The following OR51B5 variants were observed in gnomAD, a reference collection of about 807,000 sequenced individuals.
OR51B5 encodes olfactory receptor 51B5.
For synonymous variants in OR51B5, 186 were observed against 144.8 expected, an observed-to-expected ratio of 1.28 and a Z score of -2.04; for missense variants, 456 against 374.6, an observed-to-expected ratio of 1.22 and a Z score of -1.79.
chr11:5,455,659 C>G (rs1850946104), intron 1 of OR51B5: 1 of 150,844 alleles, frequency 6.6e-6, no homozygotes, highest in Non-Finnish European at 1.5e-5. Context: ...TCTAACTTAA[C>G]TCACCATGGA....
chr11:5,479,509 C>T (rs1229141998), intron 1 of OR51B5, among the ~76,000 whole-genome samples: 2 of 149,340 alleles, frequency 1.3e-5, no homozygotes, highest in Admixed American at 1.3e-4. Flanking sequence ...TCACACATAA[C>T]AATATTAACT....
intron 1 of OR51B5, among the ~76,000 whole-genome samples, chr11:5,371,397 C>T (rs551534120): frequency 7.2e-5 from 11 of 151,802 alleles, no homozygotes; most frequent in African/African-American, 1.9e-4. Flanking sequence ...AGTTGTAGGC[C>T]GGAGATATAA....
chr11:5,393,808 CTTAG>C (rs1444832850), intron 1 of OR51B5, among the ~76,000 whole-genome samples: 1 of 151,982 alleles, frequency 6.6e-6, no homozygotes, highest in Non-Finnish European at 1.5e-5. Flanking sequence ...AGCAACTTTC[CTTAG>C]TTAAATCATT....
intron 1 of OR51B5, among the ~76,000 whole-genome samples, chr11:5,374,417 C>A (rs1050830502): frequency 1.3e-5 from 2 of 152,144 alleles, no homozygotes; most frequent in Non-Finnish European, 2.9e-5. Flanking sequence ...CTCTAAAAAG[C>A]AGAGCACCTT....
chr11:5,438,360 C>CT (rs1045526510), intron 1 of OR51B5, among the ~76,000 whole-genome samples: 1 of 151,678 alleles, frequency 6.6e-6, no homozygotes, highest in Non-Finnish European at 1.5e-5. Context: ...GCAACACCCC[C>CT]CCCCAGTTAT....
chr11:5,440,648 G>A (rs1328074600), intron 1 of OR51B5: 1 of 1,613,870 alleles, frequency 6.2e-7, no homozygotes, highest in Admixed American at 1.7e-5. Flanking sequence ...TGATAGGGTT[G>A]AGCATGGGTG....
At chr11:5,496,244 T>C (rs1206824154) in intron 1 of OR51B5, among the ~76,000 whole-genome samples, 2 of 152,100 alleles carry the variant, frequency 1.3e-5, no homozygotes, top group Non-Finnish European at 2.9e-5. Flanking sequence ...GTTCTTCTCA[T>C]AGGGCCCCTT....
intron 1 of OR51B5, among the ~76,000 whole-genome samples, chr11:5,378,591 T>C (rs373119180): frequency 2.4e-4 from 36 of 152,066 alleles, no homozygotes; most frequent in Admixed American, 2.0e-4. Flanking sequence ...CCAGAATCTA[T>C]AATGAACTCA....
chr11:5,395,099 C>T (rs1190603636), intron 1 of OR51B5, among the ~76,000 whole-genome samples: 1 of 152,178 alleles, frequency 6.6e-6, no homozygotes, highest in Admixed American at 6.5e-5. Context: ...ACTAAATTTC[C>T]ATTTAAGATA....
chr11:5,473,644 A>C lies in OR51B5; in HGVS notation n.84+31925T>G, dbSNP rs1417566291. Among the ~76,000 whole-genome samples, 4 of 152,158 alleles carry C rather than the reference A, an allele frequency of 2.6e-5. No individual in the cohort carries two copies. In the East Asian group the frequency reaches 7.7e-4, roughly 29 times the overall value. On this transcript the variant is annotated intron_variant and non_coding_transcript_variant, in intron 1 of 4. Coordinates refer to the OR51B5 transcript ENST00000415970. ...TATGAATACATTTTATCATACTTGAAAGCAATATGGAATTATTTAATGGAA... is the reference window on the plus strand; with the variant it reads ...TATGAATACATTTTATCATACTTGACAGCAATATGGAATTATTTAATGGAA...
intron 1 of OR51B5, among the ~76,000 whole-genome samples, chr11:5,374,158 A>C (rs1194397839): frequency 6.6e-6 from 1 of 152,224 alleles, no homozygotes; most frequent in East Asian, 1.9e-4. Flanking sequence ...ATCAGACAGC[A>C]GCATTCGCGG....
intron 1 of OR51B5, among the ~76,000 whole-genome samples, chr11:5,437,769 C>G (rs1850612094): frequency 6.6e-6 from 1 of 152,126 alleles, no homozygotes; most frequent in Non-Finnish European, 1.5e-5. Context: ...TTCAGGTCTC[C>G]CAAACAGATT....
chr11:5,387,232 G>A (rs1241957227), intron 1 of OR51B5, among the ~76,000 whole-genome samples: 1 of 151,994 alleles, frequency 6.6e-6, no homozygotes, highest in African/African-American at 2.4e-5. Context: ...AGAATTTCTA[G>A]AGAGAGCTCT....
intron 1 of OR51B5, among the ~76,000 whole-genome samples, chr11:5,374,088 G>C (rs1381105066): frequency 6.6e-6 from 1 of 152,128 alleles, no homozygotes; most frequent in Non-Finnish European, 1.5e-5. Flanking sequence ...CCCCAAGTAA[G>C]GGCAGACTGA....
chr11:5,385,282 A>C (rs775076774), intron 1 of OR51B5: 1 of 152,150 alleles, frequency 6.6e-6, no homozygotes, highest in East Asian at 1.9e-4. Flanking sequence ...AAATCCCCTA[A>C]AGCTTTCTTC....
chr11:5,383,701 TAAAG>T (rs982006777), intron 1 of OR51B5: 5 of 152,224 alleles, frequency 3.3e-5, no homozygotes, highest in African/African-American at 4.8e-5. Flanking sequence ...GGGGTGGAGA[TAAAG>T]AAAGTTTCCT....
At chr11:5,472,621 C>T (rs1851245152) in intron 1 of OR51B5, among the ~76,000 whole-genome samples, 1 of 152,204 alleles carries the variant, frequency 6.6e-6, no homozygotes, top group South Asian at 2.1e-4. Flanking sequence ...CTCCTCTGTG[C>T]TCTGCCATTT....
intron 1 of OR51B5, among the ~76,000 whole-genome samples, chr11:5,350,612 C>A (rs1564915409): frequency 6.6e-6 from 1 of 152,108 alleles, no homozygotes; most frequent in African/African-American, 2.4e-5. Flanking sequence ...TCTCCTTGAT[C>A]TTGCCTAAAT....
intron 1 of OR51B5, among the ~76,000 whole-genome samples, chr11:5,410,250 T>C (rs975700189): frequency 6.6e-6 from 1 of 152,120 alleles, no homozygotes; most frequent in Admixed American, 6.5e-5. Context: ...ACAATAATAC[T>C]CATGTTGTAT....
Sources: allele counts gnomAD v4.1 joint callset (sites outside exome capture counted in the v4.1 genomes callset), GRCh38; gene constraint gnomAD v4.1.1; transcripts MANE v1.5; gene names NCBI Gene and HGNC (gene_info 2026-07-23, HGNC 2026-07-21).